The following LHFPL3 variants were observed in gnomAD, a reference collection of about 807,000 sequenced individuals.
LHFPL3 encodes the protein LHFPL tetraspan subfamily member 3.
LHFPL3 carries 5 observed loss-of-function variants against 19.3 expected under a neutral mutation model. The observed-to-expected ratio is 0.26, with a 90% CI of 0.14 to 0.54. The LOEUF is 0.54. Among genes scored for constraint, LHFPL3 ranks in the 20% least tolerant of loss-of-function variants. The pLI, the probability that LHFPL3 is intolerant of heterozygous loss-of-function variation, is 0.94. For synonymous variants in LHFPL3, 133 were observed against 126.2 expected (o/e 1.05, Z -0.36); for missense variants, 249 against 307.4 (o/e 0.81, Z 1.42).
intron 1 of LHFPL3, among the ~76,000 whole-genome samples, chr7:104,340,402 A>C (rs1012984145): frequency 6.6e-6 from 1 of 152,182 alleles, no homozygotes; most frequent in Non-Finnish European, 1.5e-5. Context: ...TTTAAATAAA[A>C]TATATTTTCT....
intron 1 of LHFPL3, among the ~76,000 whole-genome samples, chr7:104,600,054 C>T (rs1339606301): frequency 1.3e-5 from 2 of 152,204 alleles, no homozygotes; most frequent in Admixed American, 6.5e-5. Context: ...GCTCATCGCT[C>T]ATGGCCTGCT....
chr7:104,708,489 A>G (rs1213798614), intron 1 of LHFPL3, among the ~76,000 whole-genome samples: 1 of 152,172 alleles, frequency 6.6e-6, no homozygotes, highest in Non-Finnish European at 1.5e-5. Flanking sequence ...TGTTTTTCCT[A>G]TAATTATTAA....
chr7:104,669,062 AGAGT>A (rs1453158694), intron 1 of LHFPL3: 25 of 1,612,262 alleles, frequency 1.6e-5, no homozygotes, highest in Non-Finnish European at 1.3e-5. Flanking sequence ...TGAAGGAGAG[AGAGT>A]GAGAAGTCTC....
At chr7:104,634,848 A>C (rs1724254238) in intron 1 of LHFPL3, among the ~76,000 whole-genome samples, 1 of 152,152 alleles carries the variant, frequency 6.6e-6, no homozygotes, top group South Asian at 2.1e-4. Context: ...CTCACTCTTA[A>C]ATATAAATGG....
At chr7:104,429,627 T>C (rs936402896) in intron 1 of LHFPL3, among the ~76,000 whole-genome samples, 9 of 152,094 alleles carry the variant, frequency 5.9e-5, no homozygotes, top group African/African-American at 2.2e-4. Context: ...ATGTCATTCT[T>C]TAATTATTTC....
chr7:104,731,183 C>T (rs1178120466), intron 1 of LHFPL3, among the ~76,000 whole-genome samples: 1 of 152,120 alleles, frequency 6.6e-6, no homozygotes, highest in Non-Finnish European at 1.5e-5. Flanking sequence ...TAGCGTGATG[C>T]CTCCAGCTTT....
rs192982344 is a variant in LHFPL3 at position 104,593,646 on chromosome 7, G to C, written c.446-143029G>C. On this transcript the variant is annotated intron_variant, in intron 1 of 2. Transcript: ENST00000424859. ...CTAATGTTGACAGTGGGGTGTTAAA[G>C]TCTCCCATTATTATTGTTTGGGAGT... 6.6e-5 allele frequency among the ~76,000 whole-genome samples: 10 copies of C among 152,244 alleles called. No individual in the cohort carries two copies. In the East Asian group the frequency reaches 1.9e-3, roughly 29 times the overall value.
intron 1 of LHFPL3, among the ~76,000 whole-genome samples, chr7:104,459,927 G>A (rs1442958045): frequency 1.3e-5 from 2 of 152,098 alleles, no homozygotes; most frequent in Admixed American, 6.6e-5. Flanking sequence ...GTGTCACAGG[G>A]GTTTGTTGCA....
At chr7:104,840,474 CTTTTTTTTTTTTT>C (rs71155530) in intron 2 of LHFPL3, among the ~76,000 whole-genome samples, 19 of 65,590 alleles carry the variant, frequency 2.9e-4, no homozygotes, top group Admixed American at 2.9e-3. Flanking sequence ...TTTTCTTTTC[CTTTTTTTTTTTTT>C]TTTTTTTTTT....
At chr7:104,673,347 G>A (rs1294958206) in intron 1 of LHFPL3, among the ~76,000 whole-genome samples, 2 of 152,132 alleles carry the variant, frequency 1.3e-5, no homozygotes, top group Admixed American at 6.5e-5. Flanking sequence ...TAAATAGTTC[G>A]CTTTTATCTA....
intron 2 of LHFPL3, among the ~76,000 whole-genome samples, chr7:104,777,986 C>T (rs1047203908): frequency 6.6e-6 from 1 of 152,156 alleles, no homozygotes; most frequent in African/African-American, 2.4e-5. Context: ...ATGTATTGAA[C>T]TTGTTCTCCT....
At chr7:104,546,392 C>G (rs1794578733) in intron 1 of LHFPL3, among the ~76,000 whole-genome samples, 1 of 152,288 alleles carries the variant, frequency 6.6e-6, no homozygotes, top group South Asian at 2.1e-4. Flanking sequence ...ATAGCCAAGA[C>G]TCCTTGCCAA....
intron 1 of LHFPL3, among the ~76,000 whole-genome samples, chr7:104,646,691 A>G (rs73181816): frequency 0.039 from 5,989 of 152,314 alleles, 136 homozygotes; most frequent in Middle Eastern, 0.054. Flanking sequence ...TAGGGGACTG[A>G]GCTATTGAAT....
intron 1 of LHFPL3, among the ~76,000 whole-genome samples, chr7:104,631,789 G>A (rs1005355297): frequency 6.6e-6 from 1 of 152,194 alleles, no homozygotes; most frequent in African/African-American, 2.4e-5. Context: ...AATACCTGGT[G>A]ATATTAGCCT....
rs1792621844 is a variant in LHFPL3 at position 104,906,663 on chromosome 7, A to G, written c.*448A>G. ...GTTAGTTCTAAATTATTCCTATCTC[A>G]ATAGCCAAGAGGCTGATCAAGCGTC... On this transcript the variant is annotated 3_prime_UTR_variant, in exon 3 of 3. Transcript: ENST00000424859. 1 of 155,948 alleles carries G rather than the reference A, an allele frequency of 6.4e-6. No homozygotes were observed. The highest frequency in any genetic ancestry group is 1.4e-5 in the Non-Finnish European group (1 of 70,396). 9.7% of individuals were successfully genotyped at this position (155,948 alleles called of 1,614,324 possible). A position where few individuals can be genotyped will look rare whatever the true frequency, so the allele number is the denominator to read the frequency against.
At chr7:104,717,728 A>G (rs1252454905) in intron 1 of LHFPL3, among the ~76,000 whole-genome samples, 1 of 152,202 alleles carries the variant, frequency 6.6e-6, no homozygotes, top group Non-Finnish European at 1.5e-5. Context: ...TACAGCCACT[A>G]TGAAAAACTA....
chr7:104,581,332 G>A (rs1005452985), intron 1 of LHFPL3, among the ~76,000 whole-genome samples: 1 of 152,028 alleles, frequency 6.6e-6, no homozygotes, highest in African/African-American at 2.4e-5. Flanking sequence ...TTTTTGTGAA[G>A]TGTTTGTTCA....
intron 2 of LHFPL3, among the ~76,000 whole-genome samples, chr7:104,838,834 C>T (rs1791145538): frequency 6.6e-6 from 1 of 152,174 alleles, no homozygotes; most frequent in African/African-American, 2.4e-5. Context: ...TGTGCAAGTA[C>T]AGAGAAACAT....
At chr7:104,790,840 C>T (rs1790010685) in intron 2 of LHFPL3, among the ~76,000 whole-genome samples, 2 of 152,204 alleles carry the variant, frequency 1.3e-5, no homozygotes, top group Admixed American at 1.3e-4. Context: ...TATATACCTG[C>T]TTCCCAGGTT....
Sources: allele counts gnomAD v4.1 joint callset (sites outside exome capture counted in the v4.1 genomes callset), GRCh38; gene constraint gnomAD v4.1.1; transcripts MANE v1.5; gene names NCBI Gene and HGNC (gene_info 2026-07-23, HGNC 2026-07-21).